The following SCGB1D1 variants were observed in gnomAD, a reference collection of about 807,000 sequenced individuals.
The protein encoded by SCGB1D1 is secretoglobin family 1D member 1.
In SCGB1D1, 10 loss-of-function variants were observed where a neutral mutation model predicts 8.3. The observed-to-expected ratio is 1.21, with a 90% CI of 0.74 to 2.05. SCGB1D1 has a LOEUF of 2.05. SCGB1D1 is among the 30% of genes most tolerant of loss of function. The probability of loss-of-function intolerance (pLI) is 0.00; values close to 1 mark genes in which losing one functional copy is unlikely to be tolerated. For synonymous variants in SCGB1D1, 46 were observed against 41.7 expected, an observed-to-expected ratio of 1.10 and a Z score of -0.39; for missense variants, 94 against 105.1, an observed-to-expected ratio of 0.89 and a Z score of 0.46.
chr11:62,193,330 A>C, intron 2 of SCGB1D1, 69 bp from the exon 3 acceptor site: 1 of 1,407,594 alleles, frequency 7.1e-7, no homozygotes, highest in Non-Finnish European at 1.0e-6. Flanking sequence ...GGCCACTTGG[A>C]TGTTAACCTG....
chr11:62,190,583 T>C (rs542290451), intron 1 of SCGB1D1, among the ~76,000 whole-genome samples: 42 of 152,298 alleles, frequency 2.8e-4, no homozygotes, highest in Middle Eastern at 3.4e-3. Flanking sequence ...GCTTCACTCT[T>C]GGATGGGATC....
At chr11:62,192,349 T>C in intron 2 of SCGB1D1, 106 bp downstream of exon 2, 1 of 968,076 alleles carries the variant, frequency 1.0e-6, no homozygotes, top group Non-Finnish European at 1.6e-6. Context: ...GTGGGGCACC[T>C]GCCTTACTGG....
chr11:62,192,597 C>T (rs1472215410), intron 2 of SCGB1D1, among the ~76,000 whole-genome samples: 1 of 152,208 alleles, frequency 6.6e-6, no homozygotes, highest in Non-Finnish European at 1.5e-5. Context: ...CCAAGTGGAC[C>T]TCACACAGTC....
rs1007086759 is a variant in SCGB1D1 at position 62,191,746 on chromosome 11, T to C, written c.56-310T>C. On this transcript the variant is annotated intron_variant, in intron 1 of 2. Transcript: ENST00000306238. The stretch of plus-strand genomic sequence containing the variant: ...GTGTCACTTAACTGGCATAGAAAAG[T>C]GATTATTTTCAAATCTAGAAAAGAG... 2.6e-5 allele frequency among the ~76,000 whole-genome samples: 4 copies of C among 152,190 alleles called. 1 individual carries two copies. Among genetic ancestry groups the C allele is most frequent in the African/African-American group, 9.7e-5 (4 of 41,444 alleles).
At chr11:62,190,886 C>G (rs1353053351) in intron 1 of SCGB1D1, among the ~76,000 whole-genome samples, 3 of 152,154 alleles carry the variant, frequency 2.0e-5, no homozygotes, top group Admixed American at 2.0e-4. Flanking sequence ...TGTTACATCT[C>G]GAAGGATCCT....
intron 2 of SCGB1D1, 103 bp from the exon 3 acceptor site, chr11:62,193,296 T>C (rs1469216185): frequency 6.4e-6 from 7 of 1,087,384 alleles, no homozygotes; most frequent in Non-Finnish European, 9.6e-6. Context: ...ACCCTTCAAT[T>C]GTCTTTGGGA....
intron 1 of SCGB1D1, among the ~76,000 whole-genome samples, chr11:62,191,015 G>A (rs1944674047): frequency 6.6e-6 from 1 of 152,164 alleles, no homozygotes; most frequent in Non-Finnish European, 1.5e-5. Context: ...TACCGTAATG[G>A]TGGTAGAAAT....
rs1012139203 is a variant in SCGB1D1, at chr11:62,193,269, A to C, written c.244-130A>C. ...GTCTAGGCCCTGGTTTCCCACACACACTGGGTTCCTGCCTCTACCCTTCAA... is the reference window on the plus strand; with the variant it reads ...GTCTAGGCCCTGGTTTCCCACACACCCTGGGTTCCTGCCTCTACCCTTCAA... On this transcript the variant is annotated intron_variant, in intron 2 of 2. Transcript: ENST00000306238. 8 of 763,832 alleles carry C rather than the reference A, an allele frequency of 1.0e-5. No individual in the cohort carries two copies. In the East Asian group the frequency reaches 2.2e-4, roughly 21 times the overall value. 47.3% of individuals were successfully genotyped at this position (763,832 alleles called of 1,614,324 possible).
At chr11:62,191,219 A>G (rs763379391) in intron 1 of SCGB1D1, among the ~76,000 whole-genome samples, 1 of 151,784 alleles carries the variant, frequency 6.6e-6, no homozygotes, top group Non-Finnish European at 1.5e-5. Flanking sequence ...AATTCTCCCC[A>G]CAGTTTGAAG....
intron 1 of SCGB1D1, 31 bp downstream of exon 1, chr11:62,190,370 G>A: frequency 6.2e-7 from 1 of 1,614,012 alleles, no homozygotes; most frequent in Non-Finnish European, 8.5e-7. Flanking sequence ...TCCAGCACCA[G>A]CCCTTGGGAC....
In SCGB1D1 at chr11:62,192,193, T is replaced by C. The variant is rs2134720693; in HGVS notation, c.193T>C (p.Cys65Arg). Residue 65 changes from cysteine (C) to arginine (R), a missense_variant, in exon 2 of 3, where the codon TGC (cysteine) becomes CGC (arginine). By Grantham distance (180) the Cys-to-Arg change is radical (BLOSUM62 -3). Transcript: ENST00000306238. Reference sequence around the variant, plus strand: ...TGCAGCCAAGATGGAAGTGAAGAAATGCGTGGATACGATGGCCTATGAGAA... The same window carrying C: ...TGCAGCCAAGATGGAAGTGAAGAAACGCGTGGATACGATGGCCTATGAGAA... ...AVAAKMEVKK[C>R]VDTMAYEKRV... The C allele has an allele frequency of 1.9e-6, 3 of 1,613,730 alleles. No individual in the cohort carries two copies. Among genetic ancestry groups the C allele is most frequent in the East Asian group, 4.5e-5 (2 of 44,866 alleles).
chr11:62,192,044 C>A lies in SCGB1D1; in HGVS notation c.56-12C>A. The stretch of plus-strand genomic sequence containing the variant: ...TCCTTACACAAATTATATTTTTATT[C>A]TTTTGCTCCAGCAAATGCAGTGGTC... On this transcript the variant is annotated splice_polypyrimidine_tract_variant and intron_variant, in intron 1 of 2. Coordinates refer to ENST00000306238, the MANE Select transcript of SCGB1D1 (RefSeq NM_006552.2). The A allele has an allele frequency of 6.3e-7, 1 of 1,584,018 alleles. No homozygotes were observed. Among genetic ancestry groups the A allele is most frequent in the South Asian group, 1.1e-5 (1 of 88,660 alleles).
chr11:62,193,183 C>A (rs142320749), intron 2 of SCGB1D1, among the ~76,000 whole-genome samples: 1 of 152,282 alleles, frequency 6.6e-6, no homozygotes, highest in East Asian at 1.9e-4. Flanking sequence ...CTATGAGGAC[C>A]CTGGGCCTTA....
At chr11:62,191,921 G>A (rs1168701362) in intron 1 of SCGB1D1, 135 bp from the exon 2 acceptor site, 2 of 734,122 alleles carry the variant, frequency 2.7e-6, no homozygotes, top group South Asian at 2.5e-5. Flanking sequence ...AACCTCCTGG[G>A]TCTGACATTG....
In SCGB1D1 at chr11:62,192,203, C is replaced by T. The variant is rs372237799; in HGVS notation, c.203C>T (p.Thr68Met). The T allele has an allele frequency of 1.7e-4, 276 of 1,613,182 alleles. 3 individuals carry two copies. The South Asian group carries it at 2.5e-3, about 15-fold the overall frequency. ...ATGGAAGTGAAGAAATGCGTGGATA[C>T]GATGGCCTATGAGAAAAGAGTGCTA... ...AKMEVKKCVD[T>M]MAYEKRVLIT... The change falls in exon 2 of 3, where the codon ACG (threonine) becomes ATG (methionine). Residue 68 changes from threonine to methionine, a missense_variant. Physicochemically the swap from Thr to Met is moderately conservative, Grantham distance 81. Transcript: ENST00000306238.
rs1565115819 is a variant in SCGB1D1 at position 62,190,350 on chromosome 11, C to T, written c.55+11C>T. 5 of 1,614,024 alleles carry T rather than the reference C, an allele frequency of 3.1e-6. No individual in the cohort carries two copies. The highest frequency in any genetic ancestry group is 2.2e-5 in the East Asian group (1 of 44,890). The stretch of plus-strand genomic sequence containing the variant: ...TTTGCTGCTACCGGGGTGAGTACAT[C>T]AGTCATGAGTCCAGCACCAGCCCTT... On this transcript the variant is annotated intron_variant, in intron 1 of 2. Transcript: ENST00000306238.
rs970887625 is a variant in SCGB1D1 at position 62,190,968 on chromosome 11, T to C, written c.55+629T>C. ...AATAAGAAGCCTGCAAATGAATTCT[T>C]AGAATAAGCAGCACTCAATATATCT... On this transcript the variant is annotated intron_variant, in intron 1 of 2. Coordinates refer to ENST00000306238, the MANE Select transcript of SCGB1D1 (RefSeq NM_006552.2). Among the ~76,000 whole-genome samples, 8 of 152,300 alleles carry C rather than the reference T, an allele frequency of 5.3e-5. No individual in the cohort carries two copies. In the East Asian group the frequency reaches 1.3e-3, roughly 26 times the overall value.
At chr11:62,191,336 T>C (rs954647690) in intron 1 of SCGB1D1, among the ~76,000 whole-genome samples, 3 of 152,178 alleles carry the variant, frequency 2.0e-5, no homozygotes, top group African/African-American at 7.2e-5. Flanking sequence ...AAATGATTAC[T>C]CCAGGTCTTT....
chr11:62,193,422 T>C lies in SCGB1D1; in HGVS notation c.267T>C (p.Asp89=). 1.2e-6 allele frequency: 2 copies of C among 1,612,786 alleles called. No homozygotes were observed. Among genetic ancestry groups the C allele is most frequent in the Non-Finnish European group, 1.7e-6 (2 of 1,179,378 alleles). Residue 89 remains aspartate (D), a synonymous_variant, in exon 3 of 3, where the codon GAT becomes GAC. Transcript: ENST00000306238. ...KTLGKIAEKC[D]R ...AGGGAAAAATAGCAGAGAAATGTGA[T>C]CGCTGAGATGTAAAAAGTTTTTAAT...
Sources: gnomAD v4.1 joint callset for allele counts (sites outside exome capture counted in the v4.1 genomes callset) on GRCh38, gnomAD v4.1.1 for gene constraint, MANE v1.5 for transcripts, NCBI Gene and HGNC (gene_info 2026-07-23, HGNC 2026-07-21) for gene names.